The following ATP6V0A2 variants were observed in gnomAD, a reference collection of about 807,000 sequenced individuals.
ATP6V0A2 encodes the protein V-type proton ATPase 116 kDa subunit a 2.
In ATP6V0A2, 58 loss-of-function variants were observed where a neutral mutation model predicts 104.4. That is an observed-to-expected ratio of 0.56 (90% CI 0.45 to 0.69). The LOEUF (loss-of-function observed/expected upper bound fraction) is 0.69. Ranked by LOEUF, ATP6V0A2 falls within the 30% of genes least tolerant of loss-of-function variation. ATP6V0A2 has a pLI of 0.00. For synonymous variants in ATP6V0A2, 376 were observed against 397.9 expected (o/e 0.95, Z 0.65); for missense variants, 938 against 1,062.9 (o/e 0.88, Z 1.63).
At chr12:123,743,661 A>AC in intron 9 of ATP6V0A2, 124 bp from the exon 10 acceptor site, 1 of 1,165,760 alleles carries the variant, frequency 8.6e-7, no homozygotes, top group Non-Finnish European at 1.3e-6. Flanking sequence ...CTCAAAAAAA[A>AC]ACAAAACAAA....
At position 123,743,874 on chromosome 12, in the gene ATP6V0A2, C is replaced by G. The variant is rs138172178; in HGVS notation, c.1128C>G (p.Thr376=). The change falls in exon 10 of 20, where the codon ACC becomes ACG. Residue 376 remains threonine, a synonymous_variant. Transcript: ENST00000330342. ...PPTRIRTNKF[T]EGFQNIVDAY... is the part of the protein sequence containing the mutation. ...CTCGGATCCGCACCAACAAATTCACCGAGGGATTTCAGAACATCGTGGATG... is the reference window on the plus strand; with the variant it reads ...CTCGGATCCGCACCAACAAATTCACGGAGGGATTTCAGAACATCGTGGATG... 1.9e-6 allele frequency: 3 copies of G among 1,614,132 alleles called. No individual in the cohort carries two copies. Among genetic ancestry groups the G allele is most frequent in the African/African-American group, 1.3e-5 (1 of 75,012 alleles).
chr12:123,728,311 T>C (rs928111171), intron 6 of ATP6V0A2, among the ~76,000 whole-genome samples: 2 of 151,864 alleles, frequency 1.3e-5, no homozygotes, highest in African/African-American at 4.8e-5. Context: ...GGTCTCAAAC[T>C]CCTGGCCTCA....
intron 6 of ATP6V0A2, among the ~76,000 whole-genome samples, chr12:123,729,034 T>TA (rs1956475391): frequency 6.6e-6 from 1 of 152,236 alleles, no homozygotes; most frequent in Non-Finnish European, 1.5e-5. Flanking sequence ...GCTGTGAAGT[T>TA]ACTCTTTTTT....
Position 123,744,725 on chromosome 12 carries a change from G to A in ATP6V0A2, c.1455G>A (p.Val485=). ...ACCTGTTCGGCTCTGGGTGGAACGTGTCGGCCATGTACAGCTCCAGCCACC... is the reference window on the plus strand; with the variant it reads ...ACCTGTTCGGCTCTGGGTGGAACGTATCGGCCATGTACAGCTCCAGCCACC... ...SVNLFGSGWN[V]SAMYSSSHPP... is the part of the protein sequence containing the mutation. The change falls in exon 12 of 20, where the codon GTG becomes GTA. Residue 485 remains valine, a synonymous_variant. Transcript: ENST00000330342. The surrounding 1 kb of genome is among the most constrained non-coding windows in gnomAD (Gnocchi z 5.4). 2.5e-6 allele frequency: 4 copies of A among 1,614,156 alleles called. No homozygotes were observed. The highest frequency in any genetic ancestry group is 1.1e-5 in the South Asian group (1 of 91,074).
In ATP6V0A2 at chr12:123,756,849, C is replaced by T. The variant is rs369531868; in HGVS notation, c.2328C>T (p.Arg776=). Residue 776 remains arginine, a synonymous_variant, in exon 19 of 20, where the codon CGC becomes CGT. Coordinates refer to ENST00000330342, the MANE Select transcript of ATP6V0A2 (RefSeq NM_012463.4). The stretch of plus-strand genomic sequence containing the variant: ...ATGTCCTGTGGGCCATGCTGATGCG[C>T]GTGGGCCTCCGCGTTGACACCACCT... ...LSDVLWAMLM[R]VGLRVDTTYG... is the part of the protein sequence containing the mutation. The T allele has an allele frequency of 6.2e-6, 10 of 1,614,072 alleles. No homozygotes were observed. Among genetic ancestry groups the T allele is most frequent in the Middle Eastern group, 1.7e-4 (1 of 6,044 alleles).
chr12:123,747,092 G>T (rs1956670081), intron 13 of ATP6V0A2, among the ~76,000 whole-genome samples: 1 of 152,198 alleles, frequency 6.6e-6, no homozygotes, highest in Non-Finnish European at 1.5e-5. Context: ...GTCAGCCATG[G>T]TCTGGAGTCC....
chr12:123,730,618 A>G (rs537658563), intron 6 of ATP6V0A2: 6 of 152,278 alleles, frequency 3.9e-5, no homozygotes, highest in Non-Finnish European at 5.9e-5. Context: ...TGACTTTTCT[A>G]TTTCAAGCTG....
Position 123,756,762 on chromosome 12 carries a change from G to A in ATP6V0A2, c.2294-53G>A. 3 of 1,600,836 alleles carry A rather than the reference G, an allele frequency of 1.9e-6. No homozygotes were observed. In the East Asian group the frequency reaches 6.7e-5, roughly 36 times the overall value. On this transcript the variant is annotated intron_variant, in intron 18 of 19. Coordinates refer to ENST00000330342, the MANE Select transcript of ATP6V0A2 (RefSeq NM_012463.4). ...AACTCAGTCCAGGTAGCTCACAGAG[G>A]GACCCACTGTACATAAGCGAGCATG...
chr12:123,745,538 C>T (rs1019474621), intron 13 of ATP6V0A2, among the ~76,000 whole-genome samples: 1 of 152,052 alleles, frequency 6.6e-6, no homozygotes, highest in Non-Finnish European at 1.5e-5. Flanking sequence ...AACCCCATCT[C>T]TACTAAAAAT....
intron 7 of ATP6V0A2, 70 bp downstream of exon 7, chr12:123,734,078 C>A: frequency 8.1e-7 from 1 of 1,232,202 alleles, no homozygotes; most frequent in Non-Finnish European, 1.2e-6. Context: ...CCTTCAACAT[C>A]CCTCTGGAGT....
chr12:123,755,598 G>T (rs1239497373), intron 18 of ATP6V0A2, among the ~76,000 whole-genome samples: 1 of 148,030 alleles, frequency 6.8e-6, no homozygotes, highest in Non-Finnish European at 1.5e-5. Flanking sequence ...TAGGAAAGAT[G>T]CTTGCTCTGC....
chr12:123,716,966 T>C (rs1163037482), intron 1 of ATP6V0A2, among the ~76,000 whole-genome samples: 1 of 151,968 alleles, frequency 6.6e-6, no homozygotes, highest in East Asian at 1.9e-4. Context: ...ACATTCCATG[T>C]AAGTGGAATC....
chr12:123,724,916 A>C, intron 4 of ATP6V0A2, 125 bp downstream of exon 4: 1 of 626,516 alleles, frequency 1.6e-6, no homozygotes, highest in East Asian at 3.6e-5. Context: ...TTAAGAGATT[A>C]AATTTATTTA....
chr12:123,727,835 T>C lies in ATP6V0A2; in HGVS notation c.574T>C (p.Leu192=). 6.2e-7 allele frequency: 1 copy of C among 1,614,208 alleles called. No individual in the cohort carries two copies. Among genetic ancestry groups the C allele is most frequent in the East Asian group, 2.2e-5 (1 of 44,880 alleles). ...QGKVEAFEKM[L]WRVCKGYTIV... Reference sequence around the variant, plus strand: ...AAAAGTGGAAGCATTTGAAAAAATGTTGTGGAGAGTCTGCAAAGGGTACAC... The same window carrying C: ...AAAAGTGGAAGCATTTGAAAAAATGCTGTGGAGAGTCTGCAAAGGGTACAC... Residue 192 remains leucine (L), a synonymous_variant, in exon 6 of 20, where the codon TTG becomes CTG. Transcript: ENST00000330342.
chr12:123,742,611 C>A (rs556225153), intron 9 of ATP6V0A2, among the ~76,000 whole-genome samples: 13 of 152,170 alleles, frequency 8.5e-5, no homozygotes, highest in Admixed American at 8.5e-4. Flanking sequence ...CCGAGGTGGG[C>A]AGATCACCTG....
chr12:123,745,707 CA>C (rs34566253), intron 13 of ATP6V0A2, among the ~76,000 whole-genome samples: 90,189 of 131,594 alleles, frequency 0.69, 29,578 homozygotes, highest in East Asian at 0.94. Flanking sequence ...GACTCTGTCT[CA>C]AAAAAAAAAA....
At position 123,756,933 on chromosome 12, in the gene ATP6V0A2, C is replaced by G. The variant is rs1414004996; in HGVS notation, c.2412C>G (p.Ile804Met). 6.2e-7 allele frequency: 1 copy of G among 1,614,080 alleles called. No homozygotes were observed. Among genetic ancestry groups the G allele is most frequent in the African/African-American group, 1.3e-5 (1 of 74,924 alleles). Residue 804 changes from isoleucine to methionine, a missense_variant, in exon 19 of 20, where the codon ATC becomes ATG. Physicochemically the swap from Ile to Met is conservative, Grantham distance 10. Coordinates refer to ENST00000330342, the MANE Select transcript of ATP6V0A2 (RefSeq NM_012463.4). The part of the protein sequence containing the change: ...IALFAVLTIF[I>M]LLIMEGLSAF... ...TCTTTGCAGTTTTGACCATTTTCAT[C>G]CTTCTGATCATGGAAGGGCTTTCTG...
At chr12:123,723,568 C>T (rs1236032355) in intron 3 of ATP6V0A2, 1 of 151,356 alleles carries the variant, frequency 6.6e-6, no homozygotes, top group Non-Finnish European at 1.5e-5. Context: ...TCAAGCAATT[C>T]TCCTGCCTCA....
At position 123,737,242 on chromosome 12, in the gene ATP6V0A2, G is replaced by A; in HGVS notation, c.1009G>A (p.Asp337Asn). The change falls in exon 9 of 20, where the codon GAC (aspartate) becomes AAC (asparagine). Residue 337 changes from aspartate to asparagine, a missense_variant. Physicochemically the swap from Asp to Asn is conservative, Grantham distance 23 (BLOSUM62 1). Transcript: ENST00000330342. ...EVWCPEADLQ[D>N]LRRALEEGSR... ...CTGGTGTCCCGAGGCGGATCTGCAGGACCTGCGCCGGGCACTGGAGGAGGG... is the reference window on the plus strand; with the variant it reads ...CTGGTGTCCCGAGGCGGATCTGCAGAACCTGCGCCGGGCACTGGAGGAGGG... 2 of 1,614,160 alleles carry A rather than the reference G, an allele frequency of 1.2e-6. No homozygotes were observed. The highest frequency in any genetic ancestry group is 1.7e-6 in the Non-Finnish European group (2 of 1,180,034).
Sources: gnomAD v4.1 joint callset for allele counts (sites outside exome capture counted in the v4.1 genomes callset) on GRCh38, gnomAD v4.1.1 for gene constraint, Gnocchi (gnomAD v3.1) non-coding constraint, MANE v1.5 for transcripts, NCBI Gene and HGNC (gene_info 2026-07-23, HGNC 2026-07-21) for gene names.